Variants in CLASP1 observed in about 807,000 individuals in gnomAD.
CLASP1 encodes cytoplasmic linker associated protein 1.
CLASP1 carries 38 observed loss-of-function variants against 192.3 expected under a neutral mutation model. That is an observed-to-expected ratio of 0.20 (90% CI 0.15 to 0.26). CLASP1 has a LOEUF of 0.26. Ranked by LOEUF, CLASP1 falls within the 10% of genes least tolerant of loss-of-function variation. The pLI is 1.00. For synonymous variants in CLASP1, 691 were observed against 712.8 expected (o/e 0.97, Z 0.49); for missense variants, 1,433 against 1,932.5 (o/e 0.74, Z 4.85).
intron 12 of CLASP1, among the ~76,000 whole-genome samples, chr2:121,459,438 C>T (rs1189285370): frequency 6.6e-6 from 1 of 152,122 alleles, no homozygotes. Flanking sequence ...ATAAAATATT[C>T]AGGCTTCAAA....
intron 9 of CLASP1, 21 bp downstream of exon 9, chr2:121,469,787 C>A: frequency 6.3e-7 from 1 of 1,595,656 alleles, no homozygotes; most frequent in Non-Finnish European, 8.5e-7. Context: ...CCCCAGAACG[C>A]CACACAGGGC....
intron 1 of CLASP1, among the ~76,000 whole-genome samples, chr2:121,609,933 G>A (rs1475692706): frequency 6.6e-6 from 1 of 152,088 alleles, no homozygotes; most frequent in East Asian, 1.9e-4. Flanking sequence ...GAGAGACTTT[G>A]TCTCAAAAAA....
At chr2:121,613,105 A>G (rs940381403) in intron 1 of CLASP1, among the ~76,000 whole-genome samples, 1 of 152,248 alleles carries the variant, frequency 6.6e-6, no homozygotes, top group Non-Finnish European at 1.5e-5. Flanking sequence ...AAGATCTACT[A>G]TGAAGGCTAC....
chr2:121,576,900 T>A (rs1215584187), intron 2 of CLASP1, among the ~76,000 whole-genome samples: 1 of 152,100 alleles, frequency 6.6e-6, no homozygotes, highest in East Asian at 1.9e-4. Context: ...AATGACAGAA[T>A]TAGAAAATGT....
chr2:121,636,626 C>T (rs1018168667), intron 1 of CLASP1, among the ~76,000 whole-genome samples: 1 of 152,060 alleles, frequency 6.6e-6, no homozygotes, highest in South Asian at 2.1e-4. Context: ...GATCACACCA[C>T]TGCACTCCAG....
At chr2:121,606,795 C>T (rs181690888) in intron 1 of CLASP1, among the ~76,000 whole-genome samples, 1 of 152,178 alleles carries the variant, frequency 6.6e-6, no homozygotes, top group Non-Finnish European at 1.5e-5. Flanking sequence ...CAGTGGCTCA[C>T]GCCTGTAATC....
chr2:121,478,854 A>C (rs1003739130), intron 8 of CLASP1, among the ~76,000 whole-genome samples: 1 of 47,074 alleles, frequency 2.1e-5, no homozygotes, highest in African/African-American at 1.6e-4. Context: ...CACACCACAC[A>C]CCACACCACA....
chr2:121,472,680 G>C (rs990404173), intron 8 of CLASP1, among the ~76,000 whole-genome samples: 6 of 152,206 alleles, frequency 3.9e-5, no homozygotes, highest in African/African-American at 1.2e-4. Flanking sequence ...CTAAGTTCTA[G>C]GCCTCACGTG....
intron 22 of CLASP1, among the ~76,000 whole-genome samples, chr2:121,422,875 T>G (rs761803715): frequency 1.3e-5 from 2 of 152,178 alleles, no homozygotes; most frequent in African/African-American, 4.8e-5. Context: ...ATTAAAACTG[T>G]TGAATTTGTT....
chr2:121,474,698 T>C (rs146023529), intron 8 of CLASP1, among the ~76,000 whole-genome samples: 1 of 152,220 alleles, frequency 6.6e-6, no homozygotes, highest in African/African-American at 2.4e-5. Context: ...ATCGCATCAC[T>C]GCCCTCCAGC....
chr2:121,378,245 C>G (rs2070739556), intron 33 of CLASP1, among the ~76,000 whole-genome samples: 1 of 152,142 alleles, frequency 6.6e-6, no homozygotes. Flanking sequence ...ATCATCTCAC[C>G]CATGAGCTTG....
intron 19 of CLASP1, among the ~76,000 whole-genome samples, chr2:121,434,379 C>G (rs2081963216): frequency 6.6e-6 from 1 of 152,112 alleles, no homozygotes; most frequent in African/African-American, 2.4e-5. Context: ...CCTTAGCCTT[C>G]TAGTAGCTGG....
chr2:121,494,151 A>G (rs996505574), intron 8 of CLASP1, among the ~76,000 whole-genome samples: 4 of 152,224 alleles, frequency 2.6e-5, no homozygotes, highest in Non-Finnish European at 5.9e-5. Context: ...CTGCACTGCC[A>G]TGTTTACTGC....
chr2:121,496,403 C>T (rs543562715), intron 8 of CLASP1, among the ~76,000 whole-genome samples: 4 of 152,286 alleles, frequency 2.6e-5, no homozygotes, highest in African/African-American at 9.6e-5. Flanking sequence ...TGTTGTCATT[C>T]ATTCTCTCCT....
chr2:121,470,290 ATGCTTT>A, intron 8 of CLASP1: 1 of 379,494 alleles, frequency 2.6e-6, no homozygotes, highest in African/African-American at 2.8e-5. Flanking sequence ...CTGACCATCC[ATGCTTT>A]TTTTTTTTTT....
intron 14 of CLASP1, among the ~76,000 whole-genome samples, chr2:121,454,422 C>A (rs1444048993): frequency 6.6e-6 from 1 of 152,148 alleles, no homozygotes; most frequent in Non-Finnish European, 1.5e-5. Flanking sequence ...CTTGCTGGCA[C>A]GCCGACTTTG....
chr2:121,536,378 G>GAAAAAA lies in CLASP1; in HGVS notation c.196-6059_196-6054dup, dbSNP rs59632661. Among the ~76,000 whole-genome samples the GAAAAAA allele has an allele frequency of 5.4e-3, 259 of 48,286 alleles. 9 individuals are homozygous for GAAAAAA. The highest frequency in any genetic ancestry group is 0.022 in the African/African-American group (252 of 11,638). 31.7% of individuals were successfully genotyped at this position (48,286 alleles called of 152,430 possible). ...CCTGGGCGACAGAGCAAGACTGTCT[G>GAAAAAA]AAAAAAAAAAAAAAAAAAAAAAAAG... is the stretch of plus-strand genomic sequence containing the variant. On this transcript the variant is annotated intron_variant, in intron 2 of 39. Transcript: ENST00000263710.
chr2:121,374,723 A>C (rs1402257563), intron 34 of CLASP1, among the ~76,000 whole-genome samples: 2 of 152,156 alleles, frequency 1.3e-5, no homozygotes, highest in Non-Finnish European at 2.9e-5. Flanking sequence ...AGATTTAATG[A>C]CTGCCCTCCT....
intron 1 of CLASP1, among the ~76,000 whole-genome samples, chr2:121,614,495 C>CA (rs2066141027): frequency 6.6e-6 from 1 of 151,466 alleles, no homozygotes. Flanking sequence ...GACTCTGTCT[C>CA]AAAAAACAAA....
Sources: allele counts gnomAD v4.1 joint callset (sites outside exome capture counted in the v4.1 genomes callset), GRCh38; gene constraint gnomAD v4.1.1; transcripts MANE v1.5; gene names NCBI Gene and HGNC (gene_info 2026-07-23, HGNC 2026-07-21).